The following PTP4A2 variants were observed in gnomAD, a reference collection of about 807,000 sequenced individuals.
PTP4A2 encodes protein tyrosine phosphatase type IVA 2.
A neutral mutation model predicts 22.9 loss-of-function variants in PTP4A2; 2 were observed. That is an observed-to-expected ratio of 0.09 (90% CI 0.04 to 0.27). The LOEUF (loss-of-function observed/expected upper bound fraction) is 0.27, where lower values mean the gene tolerates loss of function less well. Ranked by LOEUF, PTP4A2 falls within the 10% of genes least tolerant of loss-of-function variation. PTP4A2 has a pLI of 1.00. For synonymous variants in PTP4A2, 68 were observed against 69.1 expected (o/e 0.98, Z 0.08); for missense variants, 103 against 205.1 (o/e 0.50, Z 3.04).
intron 1 of PTP4A2, among the ~76,000 whole-genome samples, chr1:31,926,702 C>A (rs1468485561): frequency 1.3e-5 from 2 of 152,060 alleles, no homozygotes; most frequent in Non-Finnish European, 2.9e-5. Context: ...CTTACAGGTG[C>A]AAGAGCAATA....
chr1:31,932,413 C>T (rs559880114), intron 1 of PTP4A2, among the ~76,000 whole-genome samples: 1 of 152,182 alleles, frequency 6.6e-6, no homozygotes, highest in African/African-American at 2.4e-5. Flanking sequence ...TTTAAAAAGC[C>T]AACATTGTGT....
intron 4 of PTP4A2, 131 bp from the exon 5 acceptor site, chr1:31,910,243 T>C: frequency 1.6e-6 from 1 of 634,488 alleles, no homozygotes. Context: ...AGCTGGTATC[T>C]GCCTAATACA....
chr1:31,934,572 C>T (rs1335655439), intron 1 of PTP4A2, among the ~76,000 whole-genome samples: 1 of 152,194 alleles, frequency 6.6e-6, no homozygotes, highest in Non-Finnish European at 1.5e-5. Flanking sequence ...TACTAAATTT[C>T]AACTTTGTGT....
chr1:31,915,644 A>G, intron 3 of PTP4A2: 3 of 227,720 alleles, frequency 1.3e-5, no homozygotes, highest in Non-Finnish European at 2.5e-5. Flanking sequence ...GGCTCAAGTG[A>G]TTCCCTCACC....
chr1:31,914,248 G>A (rs191175378), intron 3 of PTP4A2: 3 of 455,312 alleles, frequency 6.6e-6, no homozygotes, highest in East Asian at 7.0e-5. Context: ...TGTATTTTTC[G>A]GAGAGACAGG....
At chr1:31,922,614 C>A (rs1652224117) in intron 1 of PTP4A2, among the ~76,000 whole-genome samples, 1 of 148,260 alleles carries the variant, frequency 6.7e-6, no homozygotes, top group Non-Finnish European at 1.5e-5. Context: ...TTCTTTCTTT[C>A]TTTCTTTCTT....
In PTP4A2 at chr1:31,927,427, G is replaced by A. The variant is rs1355746494; in HGVS notation, c.-593-7769C>T. On this transcript the variant is annotated intron_variant, in intron 1 of 5. Transcript: ENST00000647444. ...ACTATGCTTGCTAACTGGTGACGAGGTGACAAAATCATTTGTACGCCAAAC... is the reference window on the plus strand; with the variant it reads ...ACTATGCTTGCTAACTGGTGACGAGATGACAAAATCATTTGTACGCCAAAC... 5.3e-5 allele frequency among the ~76,000 whole-genome samples: 8 copies of A among 152,186 alleles called. No homozygotes were observed. In the South Asian group the frequency reaches 1.7e-3, roughly 32 times the overall value.
At chr1:31,917,050 C>T (rs1651883739) in intron 2 of PTP4A2, among the ~76,000 whole-genome samples, 1 of 152,170 alleles carries the variant, frequency 6.6e-6, no homozygotes, top group South Asian at 2.1e-4. Flanking sequence ...TACGGTGAAT[C>T]CCTAACCCAG....
At position 31,908,642 on chromosome 1, in the gene PTP4A2, TTTCTC is replaced by T; in HGVS notation, c.*205_*209del. On this transcript the variant is annotated 3_prime_UTR_variant, in exon 6 of 6. Coordinates refer to ENST00000647444, the MANE Select transcript of PTP4A2 (RefSeq NM_080391.4). ...ATCATCCTTCACTGAATTAATTCCT[TTTCTC>T]TTTCTCTTTTCTTAAACATTTTATT... 1 of 384,228 alleles carries T rather than the reference TTTCTC, an allele frequency of 2.6e-6. No homozygotes were observed. Among genetic ancestry groups the T allele is most frequent in the Non-Finnish European group, 4.6e-6 (1 of 215,774 alleles). The allele number at this position is 384,228 out of a possible 1,614,324, so 23.8% of individuals were successfully genotyped here. A position where few individuals can be genotyped will look rare whatever the true frequency, so the allele number is the denominator to read the frequency against.
chr1:31,908,155 TATATATATATATATATATATATATA>T lies in PTP4A2; in HGVS notation c.*672_*696del, dbSNP rs1651312145. ...ATATATTATATTATATATATATATA[TATATATATATATATATATATATATA>T]TATATATATATATATATATATATAT... is the stretch of plus-strand genomic sequence containing the variant. On this transcript the variant is annotated 3_prime_UTR_variant, in exon 6 of 6. Coordinates refer to ENST00000647444, the MANE Select transcript of PTP4A2 (RefSeq NM_080391.4). 1 of 1,916 alleles carries T rather than the reference TATATATATATATATATATATATATA, an allele frequency of 5.2e-4. No homozygotes were observed. Among genetic ancestry groups the T allele is most frequent in the Non-Finnish European group, 9.1e-4 (1 of 1,096 alleles). The allele number at this position is 1,916 out of a possible 1,614,324, so 0.1% of individuals were successfully genotyped here.
chr1:31,914,471 G>A (rs891882535), intron 3 of PTP4A2: 2 of 306,902 alleles, frequency 6.5e-6, no homozygotes, highest in Non-Finnish European at 1.3e-5. Context: ...CTTACCAATA[G>A]GTCATTATTC....
intron 1 of PTP4A2, among the ~76,000 whole-genome samples, chr1:31,923,079 A>C (rs1652267597): frequency 2.0e-5 from 3 of 148,678 alleles, no homozygotes; most frequent in Non-Finnish European, 4.5e-5. Context: ...TTACAGGCAT[A>C]TTTTTGTATT....
chr1:31,909,996 T>A, intron 5 of PTP4A2, 42 bp downstream of exon 5: 2 of 1,501,396 alleles, frequency 1.3e-6, no homozygotes, highest in Non-Finnish European at 9.3e-7. Flanking sequence ...TCATGCATGA[T>A]CTTGCTTTCT....
rs1316358375 is a variant in PTP4A2 at position 31,919,085 on chromosome 1, G to A, written c.-20C>T. 26 of 1,292,732 alleles carry A rather than the reference G, an allele frequency of 2.0e-5. No individual in the cohort carries two copies. Among genetic ancestry groups the A allele is most frequent in the South Asian group, 4.8e-5 (4 of 83,252 alleles). The allele number at this position is 1,292,732 out of a possible 1,614,324, so 80.1% of individuals were successfully genotyped here. A position where few individuals can be genotyped will look rare whatever the true frequency, so the allele number is the denominator to read the frequency against. Reference sequence around the variant, plus strand: ...GTTCATTATGGCAAATAAAAAGTGTGAGCGTGCGTGTGAGTGTGATGGGGA... The same window carrying A: ...GTTCATTATGGCAAATAAAAAGTGTAAGCGTGCGTGTGAGTGTGATGGGGA... On this transcript the variant is annotated 5_prime_UTR_variant, in exon 2 of 6. Transcript: ENST00000647444.
At chr1:31,920,482 C>T (rs1013384359) in intron 1 of PTP4A2, among the ~76,000 whole-genome samples, 5 of 150,222 alleles carry the variant, frequency 3.3e-5, no homozygotes, top group African/African-American at 1.2e-4. Flanking sequence ...GACTCGATTA[C>T]TTTTAACTCA....
intron 1 of PTP4A2, among the ~76,000 whole-genome samples, chr1:31,930,318 C>T (rs1482944209): frequency 1.3e-5 from 2 of 151,786 alleles, no homozygotes; most frequent in African/African-American, 2.4e-5. Context: ...CCAACCTGGG[C>T]GACAGTGAGA....
intron 5 of PTP4A2, among the ~76,000 whole-genome samples, 157 bp from the exon 6 acceptor site, chr1:31,909,117 C>G (rs1236655125): frequency 2.6e-5 from 4 of 152,178 alleles, no homozygotes; most frequent in Non-Finnish European, 5.9e-5. Flanking sequence ...TAAGTTGCAA[C>G]ATGAACTTTC....
At chr1:31,925,222 T>C (rs1055622045) in intron 1 of PTP4A2, among the ~76,000 whole-genome samples, 4 of 152,222 alleles carry the variant, frequency 2.6e-5, no homozygotes, top group African/African-American at 7.2e-5. Flanking sequence ...CATGTACATA[T>C]GGTATTACCT....
At chr1:31,927,904 GA>G (rs1246177620) in intron 1 of PTP4A2, among the ~76,000 whole-genome samples, 5 of 151,812 alleles carry the variant, frequency 3.3e-5, no homozygotes, top group Middle Eastern at 3.2e-3. Flanking sequence ...CCACTTGGGG[GA>G]AAAAAGTGTC....
Sources: allele counts gnomAD v4.1 joint callset (sites outside exome capture counted in the v4.1 genomes callset), GRCh38; gene constraint gnomAD v4.1.1; transcripts MANE v1.5; gene names NCBI Gene and HGNC (gene_info 2026-07-23, HGNC 2026-07-21).